MYT1L: variants seen among roughly 807,000 people sequenced by gnomAD.
MYT1L encodes myelin transcription factor 1-like protein.
Under a neutral mutation model 126.7 loss-of-function variants are expected in MYT1L, and 12 were observed. That is an observed-to-expected ratio of 0.09 (90% CI 0.06 to 0.15). The LOEUF is 0.15. MYT1L is among the 10% of genes least tolerant of loss of function. The probability of loss-of-function intolerance (pLI) is 1.00; values close to 1 mark genes in which losing one functional copy is unlikely to be tolerated. For missense variants in MYT1L, 979 were observed against 1,585.2 expected (o/e 0.62, Z 6.49); for synonymous variants, 541 against 604.2 (o/e 0.90, Z 1.53).
chr2:2,189,075 C>T (rs940931035), intron 2 of MYT1L, among the ~76,000 whole-genome samples: 1 of 152,194 alleles, frequency 6.6e-6, no homozygotes, highest in African/African-American at 2.4e-5. Context: ...CAATCCATTG[C>T]TTCCCCTCCA....
chr2:2,232,839 C>A (rs2149073648), intron 2 of MYT1L, among the ~76,000 whole-genome samples: 1 of 152,304 alleles, frequency 6.6e-6, no homozygotes, highest in Non-Finnish European at 1.5e-5. Context: ...TGCGCTGTGA[C>A]CTGCCCTCAG....
intron 5 of MYT1L, among the ~76,000 whole-genome samples, chr2:1,985,893 A>T (rs2060976774): frequency 6.6e-6 from 1 of 152,168 alleles, no homozygotes; most frequent in Non-Finnish European, 1.5e-5. Context: ...CCTGTGCCTC[A>T]ATGGGTGCCC....
At chr2:2,261,127 ATGTGTGTGTGAGTGCGTG>A (rs1187362283) in intron 2 of MYT1L, among the ~76,000 whole-genome samples, 1 of 144,060 alleles carries the variant, frequency 6.9e-6, no homozygotes, top group African/African-American at 2.6e-5. Flanking sequence ...GCTGGGGTGC[ATGTGTGTGTGAGTGCGTG>A]TGTGTGTGTG....
At chr2:2,201,350 T>C (rs1167182597) in intron 2 of MYT1L, among the ~76,000 whole-genome samples, 1 of 152,198 alleles carries the variant, frequency 6.6e-6, no homozygotes, top group Non-Finnish European at 1.5e-5. Context: ...GAAAATGATC[T>C]TATCAATTGT....
intron 2 of MYT1L, among the ~76,000 whole-genome samples, chr2:2,204,725 C>G (rs1386980041): frequency 1.3e-5 from 2 of 151,642 alleles, no homozygotes; most frequent in African/African-American, 4.9e-5. Flanking sequence ...GGATCTAGAA[C>G]TAGAAATACC....
chr2:2,191,242 A>C (rs539673237), intron 2 of MYT1L, among the ~76,000 whole-genome samples: 1 of 152,256 alleles, frequency 6.6e-6, no homozygotes, highest in African/African-American at 2.4e-5. Context: ...TGAGTCTGAG[A>C]AGGCTGTGCC....
intron 3 of MYT1L, among the ~76,000 whole-genome samples, chr2:2,106,579 C>A (rs1414258255): frequency 6.6e-6 from 1 of 152,076 alleles, no homozygotes; most frequent in African/African-American, 2.4e-5. Context: ...GATCATGCCA[C>A]TGCACTCCAG....
At chr2:2,326,890 G>C (rs538197433) in intron 1 of MYT1L, 1 of 152,168 alleles carries the variant, frequency 6.6e-6, no homozygotes, top group African/African-American at 2.4e-5. Flanking sequence ...AGAGAAGAGA[G>C]GGTGGCAAAA....
Position 1,875,755 on chromosome 2 carries a change from C to T in MYT1L, c.2711+10784G>A, listed in dbSNP as rs540054258. Among the ~76,000 whole-genome samples, 19 of 152,288 alleles carry T rather than the reference C, an allele frequency of 1.2e-4. No homozygotes were observed. In the East Asian group the frequency reaches 1.9e-3, roughly 15 times the overall value. On this transcript the variant is annotated intron_variant, in intron 18 of 24. Transcript: ENST00000647738. ...AATCTCCTCTAGAAGACCTTCATTC[C>T]GATTCTTTCTTGACCTAGTGATGCC...
At chr2:2,212,725 G>T (rs1236276293) in intron 2 of MYT1L, among the ~76,000 whole-genome samples, 3 of 152,094 alleles carry the variant, frequency 2.0e-5, no homozygotes, top group African/African-American at 7.2e-5. Context: ...CGTGTAGTTT[G>T]TTCTCATGGT....
chr2:1,921,145 T>C (rs1241803735), intron 10 of MYT1L, among the ~76,000 whole-genome samples: 2 of 152,194 alleles, frequency 1.3e-5, no homozygotes, highest in Non-Finnish European at 2.9e-5. Flanking sequence ...AACCTCACTA[T>C]TGGGTTCGCA....
In MYT1L at chr2:2,096,911, G is replaced by C. The variant is rs567586041; in HGVS notation, c.-303-42788C>G. Among the ~76,000 whole-genome samples, 9 of 152,266 alleles carry C rather than the reference G, an allele frequency of 5.9e-5. No individual in the cohort carries two copies. In the East Asian group the frequency reaches 1.7e-3, roughly 30 times the overall value. On this transcript the variant is annotated intron_variant, in intron 3 of 24. Transcript: ENST00000647738. ...CTTTGGGGCCCTGTGAGACTGACAT[G>C]GGAGCATCAGGATAAAGTGTCGTCT... is the stretch of plus-strand genomic sequence containing the variant.
chr2:1,920,436 C>T (rs1157841306), intron 10 of MYT1L, among the ~76,000 whole-genome samples: 1 of 152,206 alleles, frequency 6.6e-6, no homozygotes, highest in African/African-American at 2.4e-5. Flanking sequence ...CTTGACACAG[C>T]ACACCCTCCA....
chr2:2,000,728 C>A (rs566580575), intron 4 of MYT1L, among the ~76,000 whole-genome samples: 1 of 152,262 alleles, frequency 6.6e-6, no homozygotes, highest in Admixed American at 6.5e-5. Flanking sequence ...CACAGAGCCC[C>A]AGGCATTTTT....
rs1052721847 is a variant in MYT1L, at chr2:2,331,004, G to A, written c.-558C>T. 6.6e-6 allele frequency: 1 copy of A among 152,090 alleles called. No homozygotes were observed. The highest frequency in any genetic ancestry group is 2.4e-5 in the African/African-American group (1 of 41,408). The allele number at this position is 152,090 out of a possible 1,614,324, so 9.4% of individuals were successfully genotyped here. A position where few individuals can be genotyped will look rare whatever the true frequency, so the allele number is the denominator to read the frequency against. Reference sequence around the variant, plus strand: ...ACAACCGCTCACAAGCGAAAGACAAGTTCAATTTTGGTAACTGTGCTGGCT... The same window carrying A: ...ACAACCGCTCACAAGCGAAAGACAAATTCAATTTTGGTAACTGTGCTGGCT... On this transcript the variant is annotated 5_prime_UTR_variant, in exon 1 of 25. Coordinates refer to ENST00000647738, the MANE Select transcript of MYT1L (RefSeq NM_001303052.2).
chr2:2,000,629 AG>A (rs1018460174), intron 4 of MYT1L, among the ~76,000 whole-genome samples: 2 of 152,072 alleles, frequency 1.3e-5, no homozygotes, highest in Non-Finnish European at 2.9e-5. Flanking sequence ...ACCTGAGGAC[AG>A]GGGGTTGTTT....
Position 2,186,092 on chromosome 2 carries a change from GCCAGGCCTT to G in MYT1L, c.-420-13113_-420-13105del, listed in dbSNP as rs1252040950. ...GCGTTCCTTCCGTGAGGGGGACGCA[GCCAGGCCTT>G]CCGGGCCTTCCGGAGTCCCGCGTTC... is the stretch of plus-strand genomic sequence containing the variant. On this transcript the variant is annotated intron_variant, in intron 2 of 24. Transcript: ENST00000647738. 1.5e-5 allele frequency among the ~76,000 whole-genome samples: 2 copies of G among 135,592 alleles called. 1 individual carries two copies. The highest frequency in any genetic ancestry group is 1.4e-4 in the Admixed American group (2 of 13,972). 89.0% of individuals were successfully genotyped at this position (135,592 alleles called of 152,430 possible). A position where few individuals can be genotyped will look rare whatever the true frequency, so the allele number is the denominator to read the frequency against.
At chr2:1,954,393 C>G (rs532087522) in intron 8 of MYT1L, among the ~76,000 whole-genome samples, 2 of 152,196 alleles carry the variant, frequency 1.3e-5, no homozygotes, top group Non-Finnish European at 2.9e-5. Flanking sequence ...AAAACAAACA[C>G]CACACGTGCA....
intron 23 of MYT1L, among the ~76,000 whole-genome samples, chr2:1,794,515 T>C (rs1265301409): frequency 1.3e-5 from 2 of 152,190 alleles, no homozygotes; most frequent in Non-Finnish European, 2.9e-5. Flanking sequence ...GAAGTCCAAC[T>C]GCTCCCCCGG....
Sources: gnomAD v4.1 joint callset for allele counts (sites outside exome capture counted in the v4.1 genomes callset) on GRCh38, gnomAD v4.1.1 for gene constraint, MANE v1.5 for transcripts, NCBI Gene and HGNC (gene_info 2026-07-23, HGNC 2026-07-21) for gene names.